SGCD: variants seen among roughly 807,000 people sequenced by gnomAD.
SGCD encodes the protein delta-sarcoglycan.
A neutral mutation model predicts 36.6 loss-of-function variants in SGCD; 18 were observed. The observed-to-expected ratio is 0.49, with a 90% confidence interval of 0.34 to 0.73. SGCD has a LOEUF of 0.73. SGCD is among the 30% of genes least tolerant of loss of function. The pLI is 0.01. For missense variants in SGCD, 387 were observed against 346.7 expected (o/e 1.12, Z -0.92); for synonymous variants, 133 against 130.6 (o/e 1.02, Z -0.12).
chr5:155,883,735 T>C (rs1755937223), intron 1 of SGCD, among the ~76,000 whole-genome samples: 1 of 140,498 alleles, frequency 7.1e-6, no homozygotes, highest in South Asian at 2.2e-4. Context: ...TACATACTAT[T>C]GGAAAAATTG....
chr5:155,806,095 A>G, the SGCD span, among the ~76,000 whole-genome samples: 88 of 152,278 alleles, frequency 5.8e-4, no homozygotes, highest in African/African-American at 8.9e-4. Flanking sequence ...AGAATGATAG[A>G]CTTTGAAGAT....
chr5:156,387,198 C>G (rs1024039741), intron 3 of SGCD, among the ~76,000 whole-genome samples: 2 of 152,184 alleles, frequency 1.3e-5, no homozygotes, highest in African/African-American at 4.8e-5. Context: ...TTTGAGTATG[C>G]GACAGCTCCA....
chr5:155,772,767 AT>A, the SGCD span, among the ~76,000 whole-genome samples: 3 of 151,796 alleles, frequency 2.0e-5, no homozygotes, highest in African/African-American at 4.8e-5. Context: ...TACTATTATT[AT>A]TTTTTTTATT....
intron 1 of SGCD, among the ~76,000 whole-genome samples, chr5:155,987,617 T>C (rs901527661): frequency 3.3e-5 from 5 of 152,208 alleles, no homozygotes; most frequent in African/African-American, 1.2e-4. Context: ...TCCTTCACGA[T>C]CTGGCCTTAG....
At chr5:156,495,011 C>T (rs539970970) in intron 3 of SGCD, among the ~76,000 whole-genome samples, 11 of 152,114 alleles carry the variant, frequency 7.2e-5, no homozygotes, top group Non-Finnish European at 1.3e-4. Flanking sequence ...GTGTGATGCT[C>T]TGGGAAAAGT....
chr5:156,439,366 ATAT>A (rs1445779954), intron 3 of SGCD, among the ~76,000 whole-genome samples: 1 of 152,150 alleles, frequency 6.6e-6, no homozygotes, highest in Non-Finnish European at 1.5e-5. Context: ...TGGCAAACAA[ATAT>A]TATTTACTTG....
chr5:156,289,747 C>T (rs979910093), intron 3 of SGCD, among the ~76,000 whole-genome samples: 9 of 152,034 alleles, frequency 5.9e-5, no homozygotes, highest in South Asian at 4.1e-4. Flanking sequence ...GCTAACCCCT[C>T]GCTTCAAGCA....
chr5:156,657,654 T>C (rs1285529910), intron 7 of SGCD, among the ~76,000 whole-genome samples: 4 of 151,872 alleles, frequency 2.6e-5, no homozygotes, highest in East Asian at 3.9e-4. Flanking sequence ...TCCCAGCTAG[T>C]TGGGAGGCTG....
intron 3 of SGCD, among the ~76,000 whole-genome samples, chr5:156,504,381 G>GGT (rs1304140370): frequency 8.0e-4 from 97 of 121,840 alleles, no homozygotes; most frequent in East Asian, 6.7e-3. Flanking sequence ...AGTATATGTG[G>GGT]GTGTGTGTGT....
chr5:156,735,534 G>C (rs1004125293), intron 7 of SGCD, among the ~76,000 whole-genome samples: 3 of 152,134 alleles, frequency 2.0e-5, no homozygotes, highest in Admixed American at 6.5e-5. Flanking sequence ...CTATGTTTTT[G>C]TAGAGCAGCT....
At chr5:156,433,744 A>G (rs1753125908) in intron 3 of SGCD, among the ~76,000 whole-genome samples, 1 of 152,178 alleles carries the variant, frequency 6.6e-6, no homozygotes. Context: ...CTGTCACCAT[A>G]TGCAGCTTGA....
chr5:156,645,217 T>C (rs1368849313), intron 6 of SGCD, among the ~76,000 whole-genome samples: 2 of 152,192 alleles, frequency 1.3e-5, no homozygotes, highest in Non-Finnish European at 2.9e-5. Flanking sequence ...TAAATTATAT[T>C]GTGTCAAAAG....
chr5:156,380,749 T>C (rs1770931501), intron 3 of SGCD, among the ~76,000 whole-genome samples: 1 of 152,204 alleles, frequency 6.6e-6, no homozygotes. Context: ...CAAGATTTTT[T>C]TGTGTGAAGC....
At chr5:156,635,004 C>T (rs1370141199) in intron 6 of SGCD, among the ~76,000 whole-genome samples, 1 of 152,104 alleles carries the variant, frequency 6.6e-6, no homozygotes, top group Non-Finnish European at 1.5e-5. Flanking sequence ...GGGAGGACTG[C>T]TTGAGCCCAG....
intron 1 of SGCD, among the ~76,000 whole-genome samples, chr5:155,885,107 C>G: frequency 8.6e-6 from 1 of 116,436 alleles, no homozygotes; most frequent in Non-Finnish European, 1.6e-5. Flanking sequence ...TAAGGTGATC[C>G]ACTCTTCGTG....
At chr5:156,597,597 C>G (rs280468) in intron 6 of SGCD, among the ~76,000 whole-genome samples, 1 of 151,972 alleles carries the variant, frequency 6.6e-6, no homozygotes, top group Admixed American at 6.5e-5. Context: ...AATTCAAGAT[C>G]AGATTTGAGC....
intron 1 of SGCD, among the ~76,000 whole-genome samples, chr5:155,986,714 C>T (rs1346304907): frequency 1.3e-5 from 2 of 152,130 alleles, no homozygotes; most frequent in Non-Finnish European, 1.5e-5. Flanking sequence ...CAAATGGCTC[C>T]GTGCCCTTTT....
At chr5:156,117,654 C>A (rs1393442387) in intron 1 of SGCD, among the ~76,000 whole-genome samples, 1 of 152,108 alleles carries the variant, frequency 6.6e-6, no homozygotes, top group African/African-American at 2.4e-5. Flanking sequence ...AGATAGATAT[C>A]ACCATGGTGT....
chr5:156,333,106 C>T (rs940874698), intron 2 of SGCD, among the ~76,000 whole-genome samples: 1 of 152,144 alleles, frequency 6.6e-6, no homozygotes, highest in African/African-American at 2.4e-5. Flanking sequence ...ATGAGCATTT[C>T]CTTTCCTACC....
Sources: gnomAD v4.1 joint callset for allele counts (sites outside exome capture counted in the v4.1 genomes callset) on GRCh38, gnomAD v4.1.1 for gene constraint, MANE v1.5 for transcripts, NCBI Gene and HGNC (gene_info 2026-07-23, HGNC 2026-07-21) for gene names.